MAGI2: variants seen among roughly 807,000 people sequenced by gnomAD.
The protein encoded by MAGI2 is membrane associated guanylate kinase, WW and PDZ domain containing 2.
In MAGI2, 35 loss-of-function variants were observed where a neutral mutation model predicts 133.3. That is an observed-to-expected ratio of 0.26 (90% CI 0.20 to 0.35). The LOEUF is 0.35. MAGI2 is among the 10% of genes least tolerant of loss of function. The pLI is 1.00. For synonymous variants in MAGI2, 729 were observed against 710.6 expected, an observed-to-expected ratio of 1.03 and a Z score of -0.41; for missense variants, 1,636 against 1,863.4, an observed-to-expected ratio of 0.88 and a Z score of 2.25.
intron 1 of MAGI2, among the ~76,000 whole-genome samples, chr7:79,240,645 T>C (rs971779472): frequency 2.6e-5 from 4 of 152,194 alleles, no homozygotes; most frequent in Non-Finnish European, 5.9e-5. Flanking sequence ...TTTTGTCTCC[T>C]TCCAACTTAT....
At chr7:78,491,873 GT>G (rs1793644993) in intron 5 of MAGI2, among the ~76,000 whole-genome samples, 1 of 7,354 alleles carries the variant, frequency 1.4e-4, no homozygotes, top group African/African-American at 2.1e-3. Flanking sequence ...CGTTCAAATT[GT>G]GTGTGTGTGT....
chr7:78,702,776 C>T lies in MAGI2; in HGVS notation c.419-75537G>A, dbSNP rs867225559. On this transcript the variant is annotated intron_variant, in intron 2 of 21. Coordinates refer to ENST00000354212, the MANE Select transcript of MAGI2 (RefSeq NM_012301.4). ...TTATTGGATGACTAGGTAGATAAAA[C>T]TGGTCAACAAAGAGCTGAAGAAATG... is the stretch of plus-strand genomic sequence containing the variant. 7.9e-5 allele frequency among the ~76,000 whole-genome samples: 12 copies of T among 152,026 alleles called. No homozygotes were observed. The Middle Eastern group carries it at 0.01, about 129-fold the overall frequency.
At chr7:78,408,531 T>C (rs1260051787) in intron 6 of MAGI2, among the ~76,000 whole-genome samples, 1 of 151,948 alleles carries the variant, frequency 6.6e-6, no homozygotes, top group Non-Finnish European at 1.5e-5. Flanking sequence ...TAATTAAAGA[T>C]CTCTTAGAGG....
rs913015354 is a variant in MAGI2, at chr7:78,606,315, G to T, written c.538+20805C>A. Reference sequence around the variant, plus strand: ...TTTTAGACTGGGTCAGTTGACTGGTGTATGTGGACACTGGGAAGGAAAAGA... The same window carrying T: ...TTTTAGACTGGGTCAGTTGACTGGTTTATGTGGACACTGGGAAGGAAAAGA... On this transcript the variant is annotated intron_variant, in intron 3 of 21. Transcript: ENST00000354212. Among the ~76,000 whole-genome samples, 6 of 152,278 alleles carry T rather than the reference G, an allele frequency of 3.9e-5. No homozygotes were observed. The East Asian group carries it at 1.2e-3, about 29-fold the overall frequency.
intron 1 of MAGI2, among the ~76,000 whole-genome samples, chr7:79,191,813 T>G (rs1827701099): frequency 6.6e-6 from 1 of 151,822 alleles, no homozygotes; most frequent in African/African-American, 2.4e-5. Flanking sequence ...TTTAAAATTT[T>G]GCTTATTTAT....
At chr7:78,590,348 T>C (rs1490846014) in intron 3 of MAGI2, among the ~76,000 whole-genome samples, 4 of 152,166 alleles carry the variant, frequency 2.6e-5, no homozygotes, top group Non-Finnish European at 5.9e-5. Flanking sequence ...GTCCTGGAGC[T>C]GATCTCCAGT....
intron 1 of MAGI2, among the ~76,000 whole-genome samples, chr7:79,329,649 T>G (rs564383314): frequency 6.6e-6 from 1 of 152,332 alleles, no homozygotes; most frequent in Non-Finnish European, 1.5e-5. Flanking sequence ...TAGATTTCTG[T>G]TCTCCCTGAC....
chr7:78,501,236 A>C (rs1794591412), intron 5 of MAGI2, among the ~76,000 whole-genome samples: 1 of 152,202 alleles, frequency 6.6e-6, no homozygotes, highest in Non-Finnish European at 1.5e-5. Flanking sequence ...TTTCATTTTG[A>C]CAAGACGGGG....
chr7:78,585,826 G>T (rs1369303344), intron 3 of MAGI2, among the ~76,000 whole-genome samples: 2 of 152,196 alleles, frequency 1.3e-5, no homozygotes, highest in Non-Finnish European at 2.9e-5. Flanking sequence ...TTACTTTACA[G>T]TCTTGCATGA....
intron 1 of MAGI2, among the ~76,000 whole-genome samples, chr7:79,162,215 T>C (rs1824438557): frequency 6.6e-6 from 1 of 152,076 alleles, no homozygotes; most frequent in South Asian, 2.1e-4. Context: ...CATCATATTT[T>C]TACTTGGTGG....
At chr7:79,425,048 G>A (rs1404788620) in intron 1 of MAGI2, among the ~76,000 whole-genome samples, 5 of 151,878 alleles carry the variant, frequency 3.3e-5, no homozygotes, top group Admixed American at 1.3e-4. Flanking sequence ...TGGAGTTTAA[G>A]ACCAGCCTGG....
At chr7:79,291,686 C>T (rs944695468) in intron 1 of MAGI2, among the ~76,000 whole-genome samples, 3 of 152,192 alleles carry the variant, frequency 2.0e-5, no homozygotes, top group African/African-American at 7.2e-5. Flanking sequence ...CACCTTTTCA[C>T]ATGCTCATTG....
At chr7:79,026,144 T>A (rs1809860538) in intron 1 of MAGI2, among the ~76,000 whole-genome samples, 2 of 152,210 alleles carry the variant, frequency 1.3e-5, no homozygotes, top group Non-Finnish European at 2.9e-5. Flanking sequence ...CAAGGAAGAC[T>A]AAGCCAGATA....
intron 2 of MAGI2, among the ~76,000 whole-genome samples, chr7:78,666,551 G>A (rs1813610844): frequency 6.6e-6 from 1 of 152,108 alleles, no homozygotes; most frequent in Admixed American, 6.6e-5. Flanking sequence ...TGCTAGCCAG[G>A]AATAAACTTG....
At chr7:78,333,218 T>C (rs1386942955) in intron 9 of MAGI2, among the ~76,000 whole-genome samples, 1 of 152,220 alleles carries the variant, frequency 6.6e-6, no homozygotes, top group Non-Finnish European at 1.5e-5. Context: ...GATTCACTAT[T>C]ATTTATTGCT....
intron 3 of MAGI2, among the ~76,000 whole-genome samples, chr7:78,546,192 A>G (rs1481632948): frequency 1.3e-5 from 2 of 152,206 alleles, no homozygotes; most frequent in Non-Finnish European, 2.9e-5. Context: ...TTATAATGCT[A>G]TCTTGAACAT....
At chr7:79,311,172 A>G (rs991984024) in intron 1 of MAGI2, among the ~76,000 whole-genome samples, 1 of 152,096 alleles carries the variant, frequency 6.6e-6, no homozygotes, top group Non-Finnish European at 1.5e-5. Context: ...GCTAAAACCA[A>G]TGATCAATTC....
intron 2 of MAGI2, among the ~76,000 whole-genome samples, chr7:78,782,376 C>T (rs974277367): frequency 2.0e-5 from 3 of 151,998 alleles, no homozygotes; most frequent in Non-Finnish European, 2.9e-5. Context: ...CACAGTAGGC[C>T]GAGAGTCAGT....
intron 1 of MAGI2, among the ~76,000 whole-genome samples, chr7:79,292,416 GT>G (rs1045291411): frequency 3.3e-5 from 5 of 151,790 alleles, no homozygotes; most frequent in Non-Finnish European, 7.4e-5. Flanking sequence ...GAGGTCAGGG[GT>G]TTGAGACCAG....
Sources: gnomAD v4.1 joint callset for allele counts (sites outside exome capture counted in the v4.1 genomes callset) on GRCh38, gnomAD v4.1.1 for gene constraint, MANE v1.5 for transcripts, NCBI Gene and HGNC (gene_info 2026-07-23, HGNC 2026-07-21) for gene names.